The following LAS1L variants were observed in gnomAD, a reference collection of about 807,000 sequenced individuals.
LAS1L encodes the protein ribosomal biogenesis protein LAS1L.
LAS1L carries 5 observed loss-of-function variants against 57.3 expected under a neutral mutation model. The observed-to-expected ratio is 0.09, with a 90% CI of 0.05 to 0.18. The LOEUF is 0.18. LAS1L is among the 10% of genes least tolerant of loss of function. The pLI, the probability that LAS1L is intolerant of heterozygous loss-of-function variation, is 1.00. For synonymous variants in LAS1L, 245 were observed against 231.7 expected (o/e 1.06, Z -0.52); for missense variants, 360 against 568.3 (o/e 0.63, Z 3.73).
rs978747545 is a variant in LAS1L at position 65,534,723 on chromosome X, TCAA to T, written c.-11_-9del. 8.8e-7 allele frequency: 1 copy of T among 1,141,938 alleles called. No individual in the cohort carries two copies. The highest frequency in any genetic ancestry group is 1.9e-5 in the South Asian group (1 of 51,732). The allele number at this position is 1,141,938 out of a possible 1,213,427, so 94.1% of individuals were successfully genotyped here. Reference sequence around the variant, plus strand: ...CCCGGATTCCCACGACATACTGAGCTCAACAACAGGCTCTGTGCCGCGCCGCTC... The same window carrying T: ...CCCGGATTCCCACGACATACTGAGCTCAACAGGCTCTGTGCCGCGCCGCTC... On this transcript the variant is annotated 5_prime_UTR_variant, in exon 1 of 14. Coordinates refer to ENST00000374811, the MANE Select transcript of LAS1L (RefSeq NM_031206.7).
intron 12 of LAS1L, among the ~76,000 whole-genome samples, chrX:65,515,253 C>T (rs1333670527): frequency 9.0e-6 from 1 of 111,642 alleles, no homozygotes; most frequent in East Asian, 2.8e-4. Flanking sequence ...TCCTACTTCC[C>T]CAGGCATGTT....
At chrX:65,521,755 G>A (rs971213290) in intron 11 of LAS1L, 1 of 111,155 alleles carries the variant, frequency 9.0e-6, no homozygotes, top group Non-Finnish European at 1.9e-5. Flanking sequence ...TTTTGAGGAG[G>A]GGGTGGTAAA....
chrX:65,525,765 A>AAAAAAAAAAAAAAAAAAAAAAAAAAAG (rs1556309415), intron 7 of LAS1L, among the ~76,000 whole-genome samples: 11 of 107,511 alleles, frequency 1.0e-4, no homozygotes, highest in African/African-American at 3.9e-4. Context: ...AAAAAAAAAA[A>AAAAAAAAAAAAAAAAAAAAAAAAAAAG]AAAGAAAGAA....
rs1036862523 is a variant in LAS1L, at chrX:65,523,445, G to A, written c.1448+115C>T. The A allele has an allele frequency of 6.5e-6, 5 of 767,219 alleles. No homozygotes were observed. In the African/African-American group the frequency reaches 1.1e-4, roughly 17 times the overall value. 63.2% of individuals were successfully genotyped at this position (767,219 alleles called of 1,213,427 possible). A position where few individuals can be genotyped will look rare whatever the true frequency, so the allele number is the denominator to read the frequency against. ...AGTTGTCCCATCTGTCAGTGGGAGT[G>A]AGACTGGGCTAGACTGTCCCCAAAG... On this transcript the variant is annotated intron_variant, in intron 11 of 13. Transcript: ENST00000374811.
chrX:65,527,492 G>A (rs967868395), intron 7 of LAS1L, among the ~76,000 whole-genome samples: 2 of 110,677 alleles, frequency 1.8e-5, no homozygotes, highest in Admixed American at 9.7e-5. Context: ...AACTATGTTC[G>A]CACCACTGCA....
At chrX:65,528,607 G>A (rs1332293918) in intron 6 of LAS1L, among the ~76,000 whole-genome samples, 1 of 112,557 alleles carries the variant, frequency 8.9e-6, no homozygotes, top group East Asian at 2.8e-4. Flanking sequence ...TTTCCTGTGG[G>A]TAAATACTGA....
chrX:65,528,538 C>T lies in LAS1L; in HGVS notation c.847-169G>A, dbSNP rs921279499. The stretch of plus-strand genomic sequence containing the variant: ...CTACTGGCCTTGCAACTAAAAATAG[C>T]CTGACTCTCAAATGTGAGACTTCCT... On this transcript the variant is annotated intron_variant, in intron 6 of 13. Coordinates refer to ENST00000374811, the MANE Select transcript of LAS1L (RefSeq NM_031206.7). Among the ~76,000 whole-genome samples, 3 of 112,158 alleles carry T rather than the reference C, an allele frequency of 2.7e-5. No individual in the cohort carries two copies. The Admixed American group carries it at 2.8e-4, about 11-fold the overall frequency.
intron 7 of LAS1L, 31 bp from the exon 8 acceptor site, chrX:65,525,081 T>A (rs763360862): frequency 8.9e-7 from 1 of 1,120,600 alleles, no homozygotes; most frequent in African/African-American, 1.8e-5. Context: ...TTTAGCAAAG[T>A]GATGCTGGCA....
At chrX:65,517,440 A>ACACGGTTT (rs1228165908) in intron 12 of LAS1L, among the ~76,000 whole-genome samples, 6 of 102,108 alleles carry the variant, frequency 5.9e-5, no homozygotes, top group Non-Finnish European at 1.2e-4. Flanking sequence ...TTTAGTAGAG[A>ACACGGTTT]CACGGTTTCA....
At chrX:65,514,727 G>A (rs1357052278) in intron 13 of LAS1L, 96 bp downstream of exon 13, 2 of 894,562 alleles carry the variant, frequency 2.2e-6, no homozygotes, top group Non-Finnish European at 3.0e-6. Flanking sequence ...CCTGACTGGG[G>A]ACAGCTACCT....
chrX:65,531,584 T>C (rs965638709), intron 3 of LAS1L, 146 bp from the exon 4 acceptor site: 29 of 439,634 alleles, frequency 6.6e-5, no homozygotes, highest in Non-Finnish European at 2.8e-5. Flanking sequence ...CCAATCACAG[T>C]GACAGAGCCA....
rs950624449 is a variant in LAS1L at position 65,534,559 on chromosome X, G to C, written c.157C>G (p.Gln53Glu). ...TCACAGAACAGATAAACCGTCACCTGGTCCCACTCGGCCCTGCTGAGCCAG... is the reference window on the plus strand; with the variant it reads ...TCACAGAACAGATAAACCGTCACCTCGTCCCACTCGGCCCTGCTGAGCCAG... Reference protein sequence around the residue: ...VAWLSRAEWDQVTVYLFCDDH... With the variant: ...VAWLSRAEWDEVTVYLFCDDH... Residue 53 changes from glutamine to glutamate, a missense_variant, in exon 1 of 14, where the codon CAG becomes GAG. Coordinates refer to ENST00000374811, the MANE Select transcript of LAS1L (RefSeq NM_031206.7). The C allele has an allele frequency of 4.3e-5, 52 of 1,208,170 alleles. No individual in the cohort carries two copies. Among genetic ancestry groups the C allele is most frequent in the Non-Finnish European group, 5.7e-5 (51 of 893,677 alleles).
intron 7 of LAS1L, among the ~76,000 whole-genome samples, chrX:65,527,637 A>G (rs2069233305): frequency 9.1e-6 from 1 of 110,257 alleles, no homozygotes; most frequent in Non-Finnish European, 1.9e-5. Flanking sequence ...GTTTGAGACC[A>G]GCCTCGCCAA....
At chrX:65,530,832 A>C (rs959865673) in intron 4 of LAS1L, among the ~76,000 whole-genome samples, 1 of 99,842 alleles carries the variant, frequency 1.0e-5, no homozygotes, top group East Asian at 2.9e-4. Flanking sequence ...AAAAAAAAAA[A>C]GTTAATCAGA....
chrX:65,518,922 T>C, intron 11 of LAS1L: 7 of 753,483 alleles, frequency 9.3e-6, no homozygotes, highest in Non-Finnish European at 9.4e-6. Context: ...AGGATATGCC[T>C]GGAAGTGTTC....
intron 1 of LAS1L, among the ~76,000 whole-genome samples, 154 bp downstream of exon 1, chrX:65,534,326 G>T (rs1311418374): frequency 1.8e-5 from 2 of 112,016 alleles, no homozygotes; most frequent in Non-Finnish European, 3.8e-5. Flanking sequence ...ATTAGCGCAA[G>T]AGATGGCTGC....
rs1409857271 is a variant in LAS1L at position 65,531,366 on chromosome X, A to AG, written c.504dup (p.Cys169LeufsTer47). 8.3e-7 allele frequency: 1 copy of AG among 1,203,754 alleles called. No homozygotes were observed. Among genetic ancestry groups the AG allele is most frequent in the South Asian group, 1.8e-5 (1 of 56,726 alleles). ...ACCTCTGAGGACTCACCTCTGCGGC[A>AG]GTCATTTATATGGGGCATTTTCTTG... is the stretch of plus-strand genomic sequence containing the variant. On this transcript the variant is annotated frameshift_variant, in exon 4 of 14. Transcript: ENST00000374811. LOFTEE classifies it high-confidence loss of function.
At chrX:65,520,821 A>G in intron 11 of LAS1L, 1 of 754,277 alleles carries the variant, frequency 1.3e-6, no homozygotes, top group Non-Finnish European at 1.6e-6. Flanking sequence ...GCAGGCACTT[A>G]GGATTGGAAA....
chrX:65,525,747 T>TAAAAAAAAAAAAAAAAAAAAA (rs2069097345), intron 7 of LAS1L, among the ~76,000 whole-genome samples: 1 of 57,360 alleles, frequency 1.7e-5, no homozygotes, highest in African/African-American at 5.1e-4. Flanking sequence ...GTCTGATTTT[T>TAAAAAAAAAAAAAAAAAAAAA]CAAAAAAAAA....
Sources: gnomAD v4.1 joint callset for allele counts (sites outside exome capture counted in the v4.1 genomes callset) on GRCh38, gnomAD v4.1.1 for gene constraint, MANE v1.5 for transcripts, NCBI Gene and HGNC (gene_info 2026-07-23, HGNC 2026-07-21) for gene names.